The following KARS1 variants were observed in gnomAD, a reference collection of about 807,000 sequenced individuals.
The protein encoded by KARS1 is lysyl-tRNA synthetase 1, also known as lysine--tRNA ligase.
Under a neutral mutation model 63.9 loss-of-function variants are expected in KARS1, and 50 were observed. That is an observed-to-expected ratio of 0.78 (90% CI 0.62 to 0.99). KARS1 has a LOEUF of 0.99. Among genes scored for constraint, KARS1 ranks in the 50% least tolerant of loss-of-function variants. The pLI, the probability that KARS1 is intolerant of heterozygous loss-of-function variation, is 0.00. For synonymous variants in KARS1, 320 were observed against 264.6 expected (o/e 1.21, Z -2.03); for missense variants, 816 against 754.5 (o/e 1.08, Z -0.95).
intron 1 of KARS1, 167 bp downstream of exon 1, chr16:75,647,411 C>A: frequency 1.4e-6 from 1 of 717,284 alleles, no homozygotes; most frequent in East Asian, 2.7e-5. Context: ...CCCGGGGTAT[C>A]CCGGGGTACG....
At chr16:75,628,515 C>G in intron 13 of KARS1, 54 bp downstream of exon 13, 1 of 1,605,208 alleles carries the variant, frequency 6.2e-7, no homozygotes, top group East Asian at 2.2e-5. Flanking sequence ...TGCCCTGGCT[C>G]CAACACAATG....
At chr16:75,647,474 C>A in intron 1 of KARS1, 104 bp downstream of exon 1, 3 of 1,074,676 alleles carry the variant, frequency 2.8e-6, no homozygotes, top group Non-Finnish European at 4.2e-6. Context: ...CCACGAGAGC[C>A]GGCAAGAAGG....
chr16:75,630,615 G>T, intron 10 of KARS1, 107 bp from the exon 11 acceptor site: 1 of 550,178 alleles, frequency 1.8e-6, no homozygotes. Context: ...TTATCCTATA[G>T]CTTTTTATTT....
At chr16:75,633,049 C>T (rs1163149202) in intron 7 of KARS1, among the ~76,000 whole-genome samples, 2 of 152,122 alleles carry the variant, frequency 1.3e-5, no homozygotes, top group Non-Finnish European at 2.9e-5. Context: ...AGATACTGCT[C>T]CCTAATGGTA....
At chr16:75,644,521 C>A in intron 1 of KARS1, 1 of 1,268,894 alleles carries the variant, frequency 7.9e-7, no homozygotes, top group Non-Finnish European at 1.1e-6. Flanking sequence ...ATATACCCAA[C>A]CAACTCTCTT....
chr16:75,628,436 T>C (rs1015995220), intron 13 of KARS1, 133 bp downstream of exon 13: 1 of 1,041,036 alleles, frequency 9.6e-7, no homozygotes, highest in African/African-American at 1.6e-5. Context: ...GTGAGTGGCA[T>C]GGAACTCCTC....
chr16:75,638,916 C>G (rs543734946), intron 3 of KARS1, among the ~76,000 whole-genome samples: 1 of 152,244 alleles, frequency 6.6e-6, no homozygotes, highest in South Asian at 2.1e-4. Flanking sequence ...GCCTGTAATC[C>G]CAGCACTTTG....
chr16:75,647,659 C>T lies in KARS1; in HGVS notation c.-20G>A. The T allele has an allele frequency of 6.2e-7, 1 of 1,613,196 alleles. No homozygotes were observed. Among genetic ancestry groups the T allele is most frequent in the Non-Finnish European group, 8.5e-7 (1 of 1,179,386 alleles). ...CGCCATCTTCCCGGAGGGCCCGACC[C>T]AAAAGTAAGGAGGATAGTACGTTAA... On this transcript the variant is annotated 5_prime_UTR_variant, in exon 1 of 14. Coordinates refer to ENST00000302445, the MANE Select transcript of KARS1 (RefSeq NM_005548.3).
rs17607381 is a variant in KARS1, at chr16:75,640,054, T to A, written c.388+130A>T. ...TCTTTCTGTATAGATATAATGGCAC[T>A]GTCCTTAGTAAAGTAGCTTCAGACA... On this transcript the variant is annotated intron_variant, in intron 3 of 13. Coordinates refer to ENST00000302445, the MANE Select transcript of KARS1 (RefSeq NM_005548.3). 0.024 allele frequency: 18,871 copies of A among 776,766 alleles called. 303 individuals carry two copies. Among genetic ancestry groups the A allele is most frequent in the Non-Finnish European group, 0.033 (14,370 of 433,392 alleles). 48.1% of individuals were successfully genotyped at this position (776,766 alleles called of 1,614,324 possible). A position where few individuals can be genotyped will look rare whatever the true frequency, so the allele number is the denominator to read the frequency against.
intron 7 of KARS1, chr16:75,633,924 A>G: frequency 4.3e-6 from 2 of 459,860 alleles, no homozygotes; most frequent in South Asian, 3.9e-5. Flanking sequence ...TTTTAGGGGA[A>G]CCAAAGTAGG....
intron 3 of KARS1, chr16:75,639,700 CTG>C (rs1287567361): frequency 6.3e-6 from 1 of 158,664 alleles, no homozygotes; most frequent in East Asian, 1.9e-4. Context: ...AACCTTCTCT[CTG>C]TGCTTCTTTG....
At chr16:75,630,856 A>T (rs1315845793) in intron 10 of KARS1, among the ~76,000 whole-genome samples, 1 of 151,956 alleles carries the variant, frequency 6.6e-6, no homozygotes, top group Non-Finnish European at 1.5e-5. Context: ...GCTGGTTTCG[A>T]ACTCCTGACC....
At chr16:75,641,215 G>T (rs1461676925) in intron 2 of KARS1, among the ~76,000 whole-genome samples, 3 of 110,680 alleles carry the variant, frequency 2.7e-5, no homozygotes, top group African/African-American at 5.2e-5. Context: ...TAAAGTGGGG[G>T]CATGGAGAGT....
Position 75,628,582 on chromosome 16 carries a change from G to C in KARS1, c.1682C>G (p.Ser561Cys), listed in dbSNP as rs759432090. The C allele has an allele frequency of 1.9e-6, 3 of 1,613,900 alleles. No individual in the cohort carries two copies. The East Asian group carries it at 6.7e-5, about 36-fold the overall frequency. Residue 561 changes from serine to cysteine, a missense_variant, in exon 13 of 14, where the codon TCC becomes TGC. By Grantham distance (112) the Ser-to-Cys change is moderately radical. Coordinates refer to ENST00000302445, the MANE Select transcript of KARS1 (RefSeq NM_005548.3). ...IDRVAMFLTD[S>C]NNIKEVLLFP... ...GTTGCTACGTACCTTGATGTTGTTG[G>C]AGTCCGTGAGAAACATGGCGACTCG... is the stretch of plus-strand genomic sequence containing the variant.
rs1340233776 is a variant in KARS1 at position 75,647,636 on chromosome 16, C to T, written c.4G>A (p.Ala2Thr). The change falls in exon 1 of 14, where the codon GCG (alanine) becomes ACG (threonine). Residue 2 changes from alanine (A) to threonine (T), a missense_variant. By Grantham distance (58) the Ala-to-Thr change is moderately conservative (BLOSUM62 0). Transcript: ENST00000302445. The part of the protein sequence containing the change: M[A>T]AVQAAEVKVD... The stretch of plus-strand genomic sequence containing the variant: ...TTCACCTCGGCCGCCTGCACGGCCG[C>T]CATCTTCCCGGAGGGCCCGACCCAA... The T allele has an allele frequency of 1.2e-6, 2 of 1,613,758 alleles. No homozygotes were observed. Among genetic ancestry groups the T allele is most frequent in the Non-Finnish European group, 1.7e-6 (2 of 1,179,880 alleles).
chr16:75,635,666 G>A lies in KARS1; in HGVS notation c.795+14C>T, dbSNP rs201740215. The A allele has an allele frequency of 1.2e-6, 2 of 1,613,420 alleles. No individual in the cohort carries two copies. The highest frequency in any genetic ancestry group is 1.7e-6 in the Non-Finnish European group (2 of 1,179,860). On this transcript the variant is annotated intron_variant, in intron 6 of 13. Transcript: ENST00000302445. ...CAAGGCAGCTCATCACGTCAGGCAA[G>A]GAACTCTCCTTACCTCTAGGAATCC...
Position 75,636,935 on chromosome 16 carries a change from C to A in KARS1, c.389-388G>T, listed in dbSNP as rs541340300. 3.5e-3 allele frequency among the ~76,000 whole-genome samples: 518 copies of A among 147,962 alleles called. 2 individuals carry two copies. Among genetic ancestry groups the A allele is most frequent in the Non-Finnish European group, 5.4e-3 (366 of 67,738 alleles). On this transcript the variant is annotated intron_variant, in intron 3 of 13. Transcript: ENST00000302445. ...GATTACAGGTGTGAGCCCCCACACC[C>A]GGCCTGCATTTTTTTTTTTTTTTTG...
Position 75,635,471 on chromosome 16 carries a change from G to GC in KARS1, c.795+208dup, listed in dbSNP as rs1203639746. On this transcript the variant is annotated intron_variant, in intron 6 of 13. Transcript: ENST00000302445. ...ATGTGACATCATTAGCATGTGGATG[G>GC]CCCTATACCTTGTCCATTATCTTGG... is the stretch of plus-strand genomic sequence containing the variant. 4 of 622,924 alleles carry GC rather than the reference G, an allele frequency of 6.4e-6. No individual in the cohort carries two copies. In the Admixed American group the frequency reaches 9.2e-5, roughly 14 times the overall value. 38.6% of individuals were successfully genotyped at this position (622,924 alleles called of 1,614,324 possible). A position where few individuals can be genotyped will look rare whatever the true frequency, so the allele number is the denominator to read the frequency against.
chr16:75,633,307 C>T (rs199836118), intron 7 of KARS1, among the ~76,000 whole-genome samples: 1 of 152,140 alleles, frequency 6.6e-6, no homozygotes, highest in East Asian at 1.9e-4. Context: ...TTTATTCATC[C>T]ATCGTTTAGG....
Sources: gnomAD v4.1 joint callset for allele counts (sites outside exome capture counted in the v4.1 genomes callset) on GRCh38, gnomAD v4.1.1 for gene constraint, MANE v1.5 for transcripts, NCBI Gene and HGNC (gene_info 2026-07-23, HGNC 2026-07-21) for gene names.